Variants in SULF1 observed in about 807,000 individuals in gnomAD.
The protein encoded by SULF1 is extracellular sulfatase Sulf-1.
A neutral mutation model predicts 110.5 loss-of-function variants in SULF1; 46 were observed. The ratio of observed to expected loss-of-function variants is 0.42; its 90% CI spans 0.33 to 0.53. SULF1 has a LOEUF of 0.53. SULF1 is among the 20% of genes least tolerant of loss of function. The probability of loss-of-function intolerance (pLI) is 0.12; values close to 1 mark genes in which losing one functional copy is unlikely to be tolerated. For missense variants in SULF1, 941 were observed against 1,094.2 expected (o/e 0.86, Z 1.98); for synonymous variants, 371 against 387.1 (o/e 0.96, Z 0.49).
At chr8:69,641,932 G>A (rs566461846) in intron 22 of SULF1, among the ~76,000 whole-genome samples, 1 of 152,046 alleles carries the variant, frequency 6.6e-6, no homozygotes, top group Non-Finnish European at 1.5e-5. Flanking sequence ...TTGGTCACCT[G>A]GCAATATTCG....
chr8:69,567,850 C>G (rs1338399291), intron 5 of SULF1, among the ~76,000 whole-genome samples: 1 of 152,098 alleles, frequency 6.6e-6, no homozygotes, highest in South Asian at 2.1e-4. Flanking sequence ...TGGAGCTATA[C>G]CCAGAAGTGG....
chr8:69,628,173 A>G lies in SULF1; in HGVS notation c.2045A>G (p.Tyr682Cys). The G allele has an allele frequency of 6.2e-7, 1 of 1,612,750 alleles. No homozygotes were observed. The highest frequency in any genetic ancestry group is 8.5e-7 in the Non-Finnish European group (1 of 1,178,680). The change falls in exon 18 of 23, where the codon TAT (tyrosine) becomes TGT (cysteine). Residue 682 changes from tyrosine (Y) to cysteine (C), a missense_variant and splice_region_variant. Coordinates refer to ENST00000402687, the MANE Select transcript of SULF1 (RefSeq NM_001128205.2). ...PEECSCSKQSYYNKEKGVKKQ... is the reference protein window; with the variant it reads ...PEECSCSKQSCYNKEKGVKKQ... ...CTTTTTAATCTTCTCTCCTGCAGCTATTACAATAAAGAGAAAGGTGTAAAA... is the reference window on the plus strand; with the variant it reads ...CTTTTTAATCTTCTCTCCTGCAGCTGTTACAATAAAGAGAAAGGTGTAAAA...
rs761700787 is a variant in SULF1 at position 69,564,166 on chromosome 8, C to T, written c.172+19C>T. 1.9e-6 allele frequency: 3 copies of T among 1,612,884 alleles called. No individual in the cohort carries two copies. The highest frequency in any genetic ancestry group is 2.5e-6 in the Non-Finnish European group (3 of 1,178,934). On this transcript the variant is annotated intron_variant, in intron 5 of 22. Transcript: ENST00000402687. ...GAGCTGGGTGAGACACTGGACTCTT[C>T]ACTTGTTAGTCTCTTTTGTTCAGAT...
chr8:69,578,088 G>C (rs1467650322), intron 6 of SULF1, among the ~76,000 whole-genome samples: 2 of 152,138 alleles, frequency 1.3e-5, no homozygotes, highest in Non-Finnish European at 2.9e-5. Context: ...CAGATGTTAA[G>C]AGCAAAAATG....
chr8:69,611,582 G>A (rs1462600684), intron 13 of SULF1, among the ~76,000 whole-genome samples: 1 of 152,164 alleles, frequency 6.6e-6, no homozygotes, highest in Non-Finnish European at 1.5e-5. Context: ...TATGGTCTTT[G>A]TATATTCCCC....
intron 3 of SULF1, among the ~76,000 whole-genome samples, chr8:69,554,999 CA>C (rs376696620): frequency 0.25 from 17,042 of 68,494 alleles, 1,219 homozygotes; most frequent in Admixed American, 0.36. Context: ...AAAAAAAAAA[CA>C]AAAAAAAAAA....
intron 10 of SULF1, 58 bp from the exon 11 acceptor site, chr8:69,603,134 C>T: frequency 1.2e-6 from 2 of 1,607,790 alleles, no homozygotes; most frequent in Non-Finnish European, 1.7e-6. Flanking sequence ...AAAAGCAGCC[C>T]TAAGTGCCAC....
intron 5 of SULF1, among the ~76,000 whole-genome samples, chr8:69,568,243 T>C (rs982874745): frequency 1.3e-5 from 2 of 152,246 alleles, no homozygotes; most frequent in Admixed American, 1.3e-4. Context: ...AGAACAATTA[T>C]GAAAATTCTA....
chr8:69,606,505 C>G (rs567416078), intron 13 of SULF1, among the ~76,000 whole-genome samples: 2 of 152,310 alleles, frequency 1.3e-5, no homozygotes, highest in Admixed American at 6.5e-5. Context: ...AAATATATCT[C>G]ATGCAAATTG....
chr8:69,616,702 GT>G (rs35961171), intron 13 of SULF1, among the ~76,000 whole-genome samples: 51,523 of 104,594 alleles, frequency 0.49, 10,693 homozygotes, highest in Middle Eastern at 0.61. Flanking sequence ...GTGCCCGGCC[GT>G]TTTTTTTTTT....
intron 3 of SULF1, among the ~76,000 whole-genome samples, chr8:69,538,539 G>C (rs979041893): frequency 1.4e-4 from 22 of 152,242 alleles, no homozygotes; most frequent in Non-Finnish European, 2.5e-4. Flanking sequence ...TGGAAGGCGA[G>C]GGGGAGTACT....
intron 1 of SULF1, among the ~76,000 whole-genome samples, chr8:69,472,131 T>C (rs997594907): frequency 1.3e-5 from 2 of 152,126 alleles, no homozygotes; most frequent in African/African-American, 4.8e-5. Flanking sequence ...CATGAAGCCC[T>C]GGGTCCTGCA....
At chr8:69,471,605 G>A (rs909421702) in intron 1 of SULF1, among the ~76,000 whole-genome samples, 3 of 152,198 alleles carry the variant, frequency 2.0e-5, no homozygotes, top group African/African-American at 4.8e-5. Flanking sequence ...TTTGGAGCAG[G>A]AGAGTACAGG....
chr8:69,495,018 C>G (rs1234307018), intron 1 of SULF1, among the ~76,000 whole-genome samples: 1 of 151,858 alleles, frequency 6.6e-6, no homozygotes. Flanking sequence ...TGACTCAGGG[C>G]TGGATGAAGG....
intron 5 of SULF1, among the ~76,000 whole-genome samples, chr8:69,564,979 C>T (rs754113529): frequency 1.3e-5 from 2 of 152,226 alleles, no homozygotes; most frequent in Non-Finnish European, 2.9e-5. Context: ...TTCAACCTGA[C>T]TGGTAGTTGA....
chr8:69,630,517 C>G (rs1470913994), intron 19 of SULF1, among the ~76,000 whole-genome samples: 2 of 152,148 alleles, frequency 1.3e-5, no homozygotes, highest in East Asian at 3.9e-4. Context: ...TTTTCCCTTT[C>G]CATTTTGATG....
At position 69,469,966 on chromosome 8, in the gene SULF1, C is replaced by T. The variant is rs911793951; in HGVS notation, c.-391+3016C>T. 3.9e-5 allele frequency among the ~76,000 whole-genome samples: 6 copies of T among 152,028 alleles called. No individual in the cohort carries two copies. The East Asian group carries it at 5.8e-4, about 15-fold the overall frequency. The stretch of plus-strand genomic sequence containing the variant: ...CTGAGGCAGGAGAATTGCTTGAACC[C>T]GAAAGGCGGAGGTTGCAGTGAGCCG... On this transcript the variant is annotated intron_variant, in intron 1 of 22. Coordinates refer to the SULF1 transcript ENST00000260128.
At chr8:69,599,051 A>C (rs893403119) in intron 8 of SULF1, among the ~76,000 whole-genome samples, 1 of 152,158 alleles carries the variant, frequency 6.6e-6, no homozygotes, top group Non-Finnish European at 1.5e-5. Flanking sequence ...CCCAGTGTGC[A>C]TGGCAGTGTC....
At chr8:69,518,969 C>T (rs1288713180) in intron 3 of SULF1, among the ~76,000 whole-genome samples, 1 of 152,194 alleles carries the variant, frequency 6.6e-6, no homozygotes, top group African/African-American at 2.4e-5. Flanking sequence ...ACTCTATCCT[C>T]ATCTCTGCTT....
Sources: allele counts gnomAD v4.1 joint callset (sites outside exome capture counted in the v4.1 genomes callset), GRCh38; gene constraint gnomAD v4.1.1; transcripts MANE v1.5; gene names NCBI Gene and HGNC (gene_info 2026-07-23, HGNC 2026-07-21).